The following G3BP2 variants were observed in gnomAD, a reference collection of about 807,000 sequenced individuals.
The protein encoded by G3BP2 is ras GTPase-activating protein-binding protein 2.
G3BP2 carries 11 observed loss-of-function variants against 56.7 expected under a neutral mutation model. The observed-to-expected ratio is 0.19, with a 90% confidence interval of 0.12 to 0.32. The LOEUF (loss-of-function observed/expected upper bound fraction) is 0.32. Among genes scored for constraint, G3BP2 ranks in the 10% least tolerant of loss-of-function variants. The pLI is 1.00. For synonymous variants in G3BP2, 165 were observed against 191.6 expected, an observed-to-expected ratio of 0.86 and a Z score of 1.15; for missense variants, 340 against 610.9, an observed-to-expected ratio of 0.56 and a Z score of 4.67.
intron 3 of G3BP2, among the ~76,000 whole-genome samples, chr4:75,700,565 C>T (rs74846489): frequency 2.8e-5 from 4 of 145,280 alleles, no homozygotes; most frequent in Admixed American, 6.9e-5. Context: ...GGACTATAGG[C>T]GCGTGCCACC....
intron 10 of G3BP2, 71 bp from the exon 11 acceptor site, chr4:75,646,527 G>C: frequency 1.1e-6 from 1 of 900,506 alleles, no homozygotes; most frequent in South Asian, 1.4e-5. Flanking sequence ...TAATTGTTCA[G>C]GATGAATATC....
chr4:75,688,852 C>T (rs1274215753), intron 3 of G3BP2, among the ~76,000 whole-genome samples: 2 of 152,218 alleles, frequency 1.3e-5, no homozygotes, highest in African/African-American at 2.4e-5. Flanking sequence ...TTATATGGTA[C>T]TTGATAGTGT....
At position 75,645,275 on chromosome 4, in the gene G3BP2, G is replaced by A. The variant is rs1731133860; in HGVS notation, c.*155C>T. 1 of 632,916 alleles carries A rather than the reference G, an allele frequency of 1.6e-6. No individual in the cohort carries two copies. The highest frequency in any genetic ancestry group is 2.1e-5 in the South Asian group (1 of 48,132). The allele number at this position is 632,916 out of a possible 1,614,324, so 39.2% of individuals were successfully genotyped here. On this transcript the variant is annotated 3_prime_UTR_variant, in exon 12 of 12. Coordinates refer to ENST00000359707, the MANE Select transcript of G3BP2 (RefSeq NM_203505.3). The stretch of plus-strand genomic sequence containing the variant: ...CCTGTTGTGAAATTGGGGAAATAAT[G>A]TCCACCTCAATTTAACTGATAACCA...
intron 1 of G3BP2, among the ~76,000 whole-genome samples, chr4:75,670,686 A>G (rs999119085): frequency 8.5e-5 from 13 of 152,210 alleles, no homozygotes; most frequent in African/African-American, 2.9e-4. Flanking sequence ...TAAAATAGAT[A>G]GGGCATTATC....
chr4:75,690,245 C>A (rs530070351), intron 3 of G3BP2, among the ~76,000 whole-genome samples: 1 of 152,172 alleles, frequency 6.6e-6, no homozygotes, highest in Non-Finnish European at 1.5e-5. Flanking sequence ...ACCAGCCTGG[C>A]CAACATGGCA....
At chr4:75,719,050 G>A in intron 3 of G3BP2, among the ~76,000 whole-genome samples, 1 of 152,244 alleles carries the variant, frequency 6.6e-6, no homozygotes, top group East Asian at 1.9e-4. Context: ...ATCTTTAAAC[G>A]TTCAGTTGTT....
At chr4:75,646,512 GGCTCTAATTGTTCAGGATGA>G in intron 10 of G3BP2, 56 bp from the exon 11 acceptor site, 2 of 970,396 alleles carry the variant, frequency 2.1e-6, no homozygotes, top group Admixed American at 3.7e-5. Context: ...ATACCTTGAT[GGCTCTAATTGTTCAGGATGA>G]ATATCGTTAT....
intron 8 of G3BP2, among the ~76,000 whole-genome samples, chr4:75,653,066 C>A (rs6851487): frequency 0.17 from 25,492 of 148,752 alleles, 2,237 homozygotes; most frequent in South Asian, 0.35. Flanking sequence ...GACCATCTTA[C>A]ATAAGGGTAA....
intron 9 of G3BP2, 61 bp downstream of exon 9, chr4:75,648,578 G>T: frequency 1.2e-6 from 1 of 868,438 alleles, no homozygotes; most frequent in Admixed American, 2.0e-5. Context: ...TTTTGTTTAA[G>T]TTCAGTCTTT....
At chr4:75,674,638 T>C (rs562960668), upstream of G3BP2, among the ~76,000 whole-genome samples, 153 of 149,192 alleles carry the variant, frequency 1.0e-3, 1 homozygote, top group Non-Finnish European at 1.9e-3. Context: ...ATTCTTGTAA[T>C]TATACAGCCT....
At chr4:75,648,953 T>C (rs1247382737) in intron 8 of G3BP2, 3 of 395,554 alleles carry the variant, frequency 7.6e-6, no homozygotes, top group East Asian at 3.5e-5. Flanking sequence ...TCCCACTTAA[T>C]GCTGTGTAAC....
At chr4:75,662,222 T>TG (rs1491133150) in intron 1 of G3BP2, 173 bp from the exon 2 acceptor site, 4 of 22,012 alleles carry the variant, frequency 1.8e-4, no homozygotes, top group African/African-American at 8.0e-4. Flanking sequence ...CCTGAAATAA[T>TG]TTTTTTTTTT....
chr4:75,648,822 T>G (rs1443775118), intron 8 of G3BP2, 81 bp from the exon 9 acceptor site: 31 of 736,554 alleles, frequency 4.2e-5, no homozygotes, highest in Middle Eastern at 5.5e-4. Flanking sequence ...GACAAGTCAC[T>G]AGCAGACATA....
intron 8 of G3BP2, 143 bp from the exon 9 acceptor site, chr4:75,648,884 A>G (rs1731449727): frequency 1.8e-6 from 1 of 543,620 alleles, no homozygotes; most frequent in Admixed American, 3.0e-5. Flanking sequence ...ATGTATGAGA[A>G]AAATAAATTT....
upstream of G3BP2, among the ~76,000 whole-genome samples, chr4:75,676,336 A>ATTT (rs34017434): frequency 5.9e-3 from 542 of 92,056 alleles, 2 homozygotes; most frequent in East Asian, 9.9e-3. Context: ...ATTGCCAATA[A>ATTT]TTTTTTTTTT....
At chr4:75,692,247 T>C (rs1417882751) in intron 3 of G3BP2, among the ~76,000 whole-genome samples, 1 of 152,158 alleles carries the variant, frequency 6.6e-6, no homozygotes, top group East Asian at 1.9e-4. Flanking sequence ...AACCTTGGAT[T>C]TGTAGATTGA....
rs558898529 is a variant in G3BP2 at position 75,680,693 on chromosome 4, G to A, written c.-24-18644C>T. On this transcript the variant is annotated intron_variant, in intron 3 of 3. Transcript: ENST00000499709. ...TAAAGAAACTGTGGCCTAGCCAGGC[G>A]CAGTGGCTCACGCCTGTAATCCCAG... Among the ~76,000 whole-genome samples, 31 of 152,308 alleles carry A rather than the reference G, an allele frequency of 2.0e-4. No homozygotes were observed. The South Asian group carries it at 4.1e-3, about 20-fold the overall frequency.
intron 1 of G3BP2, chr4:75,724,228 G>C (rs1720304740): frequency 6.5e-6 from 1 of 153,720 alleles, no homozygotes; most frequent in African/African-American, 2.4e-5. Context: ...GCTGGTACCA[G>C]TAAACCGTCA....
At chr4:75,657,079 A>T (rs1182110262) in intron 4 of G3BP2, 65 bp from the exon 5 acceptor site, 1 of 688,164 alleles carries the variant, frequency 1.5e-6, no homozygotes, top group African/African-American at 1.9e-5. Flanking sequence ...AGAGCAAATT[A>T]CATGGCATAC....
Sources: allele counts gnomAD v4.1 joint callset (sites outside exome capture counted in the v4.1 genomes callset), GRCh38; gene constraint gnomAD v4.1.1; transcripts MANE v1.5; gene names NCBI Gene and HGNC (gene_info 2026-07-23, HGNC 2026-07-21).